MGAT4C: variants seen among roughly 807,000 people sequenced by gnomAD.
The protein encoded by MGAT4C is MGAT4 family member C.
A neutral mutation model predicts 40.1 loss-of-function variants in MGAT4C; 19 were observed. That is an observed-to-expected ratio of 0.47 (90% confidence interval 0.33 to 0.70). The LOEUF is 0.70. Among genes scored for constraint, MGAT4C ranks in the 30% least tolerant of loss-of-function variants. The pLI is 0.02. For synonymous variants in MGAT4C, 181 were observed against 187.1 expected, an observed-to-expected ratio of 0.97 and a Z score of 0.27; for missense variants, 491 against 563.2, an observed-to-expected ratio of 0.87 and a Z score of 1.30.
chr12:86,400,373 C>T (rs964206077), intron 3 of MGAT4C, among the ~76,000 whole-genome samples: 6 of 152,120 alleles, frequency 3.9e-5, no homozygotes, highest in Non-Finnish European at 5.9e-5. Context: ...CCCAACTTCC[C>T]TTATTCACAG....
intron 1 of MGAT4C, among the ~76,000 whole-genome samples, chr12:86,051,654 T>G (rs1276999302): frequency 6.6e-6 from 1 of 151,648 alleles, no homozygotes; most frequent in Non-Finnish European, 1.5e-5. Flanking sequence ...AAAAAGAGTA[T>G]GAATGAAAAT....
At chr12:86,488,197 T>A (rs1958059081) in intron 2 of MGAT4C, among the ~76,000 whole-genome samples, 1 of 151,272 alleles carries the variant, frequency 6.6e-6, no homozygotes, top group Non-Finnish European at 1.5e-5. Context: ...ATTCTCAGTA[T>A]GTTGCCCAGG....
At chr12:86,771,914 G>A (rs1451654179) in intron 1 of MGAT4C, among the ~76,000 whole-genome samples, 1 of 152,066 alleles carries the variant, frequency 6.6e-6, no homozygotes, top group East Asian at 1.9e-4. Flanking sequence ...TAGCTGATAA[G>A]ATTTGTATTT....
At chr12:86,089,931 A>G (rs753417234) in intron 1 of MGAT4C, among the ~76,000 whole-genome samples, 1 of 151,674 alleles carries the variant, frequency 6.6e-6, no homozygotes, top group Non-Finnish European at 1.5e-5. Context: ...CACTATAAAC[A>G]TATTATTTAT....
At chr12:86,026,395 C>T (rs1439398564) in intron 2 of MGAT4C, among the ~76,000 whole-genome samples, 7 of 151,520 alleles carry the variant, frequency 4.6e-5, no homozygotes, top group East Asian at 3.9e-4. Context: ...ATAACACATA[C>T]GTTGAACCAT....
At chr12:86,628,014 T>A (rs1331551833) in intron 2 of MGAT4C, among the ~76,000 whole-genome samples, 1 of 150,848 alleles carries the variant, frequency 6.6e-6, no homozygotes, top group Non-Finnish European at 1.5e-5. Flanking sequence ...ATTAGATGTA[T>A]GGCAAACTAG....
At chr12:86,634,273 C>T (rs1963149785) in intron 2 of MGAT4C, among the ~76,000 whole-genome samples, 1 of 152,048 alleles carries the variant, frequency 6.6e-6, no homozygotes, top group Non-Finnish European at 1.5e-5. Flanking sequence ...GATTCAGATA[C>T]TAGTTCAAAG....
chr12:86,830,542 T>C (rs2136235526), intron 1 of MGAT4C, among the ~76,000 whole-genome samples: 3 of 151,954 alleles, frequency 2.0e-5, no homozygotes, highest in Admixed American at 2.0e-4. Flanking sequence ...TGAGTGTGTA[T>C]AGTATTGTTT....
intron 2 of MGAT4C, among the ~76,000 whole-genome samples, chr12:86,044,286 A>G (rs1892172895): frequency 6.6e-6 from 1 of 152,142 alleles, no homozygotes; most frequent in Non-Finnish European, 1.5e-5. Flanking sequence ...GTCCATAACA[A>G]TCCCATGGAT....
intron 1 of MGAT4C, among the ~76,000 whole-genome samples, chr12:86,211,511 C>T (rs182679108): frequency 3.3e-4 from 49 of 150,334 alleles, no homozygotes; most frequent in African/African-American, 1.1e-3. Context: ...GGCTGGAAAC[C>T]GAGAGGCGGA....
At chr12:86,689,908 G>T (rs1268772556) in intron 2 of MGAT4C, among the ~76,000 whole-genome samples, 1 of 152,134 alleles carries the variant, frequency 6.6e-6, no homozygotes, top group African/African-American at 2.4e-5. Context: ...CTGAAGCTTA[G>T]CCCACAACAA....
chr12:86,384,082 A>G (rs1275343567), intron 3 of MGAT4C, among the ~76,000 whole-genome samples: 1 of 152,148 alleles, frequency 6.6e-6, no homozygotes, highest in Admixed American at 6.5e-5. Context: ...CTCTTCTCTT[A>G]TCTGCTGCCA....
intron 2 of MGAT4C, among the ~76,000 whole-genome samples, chr12:86,499,193 G>C (rs902495201): frequency 6.6e-6 from 1 of 151,660 alleles, no homozygotes; most frequent in Non-Finnish European, 1.5e-5. Context: ...GTTGTGTTAC[G>C]GTGGGGTTAA....
chr12:86,505,881 A>C (rs1331863584), intron 2 of MGAT4C, among the ~76,000 whole-genome samples: 1 of 152,178 alleles, frequency 6.6e-6, no homozygotes, highest in Non-Finnish European at 1.5e-5. Context: ...CAAATGGCCC[A>C]AAATAGGGCC....
intron 3 of MGAT4C, among the ~76,000 whole-genome samples, chr12:86,364,815 G>A (rs1955557645): frequency 6.6e-6 from 1 of 152,092 alleles, no homozygotes; most frequent in African/African-American, 2.4e-5. Flanking sequence ...AATAGGGTGT[G>A]GGTCACAGAG....
intron 2 of MGAT4C, among the ~76,000 whole-genome samples, chr12:86,722,934 T>C (rs1950760384): frequency 6.6e-6 from 1 of 152,158 alleles, no homozygotes; most frequent in South Asian, 2.1e-4. Context: ...ATGGAAAATA[T>C]AGGTCCACCA....
intron 1 of MGAT4C, among the ~76,000 whole-genome samples, chr12:86,836,962 G>C (rs1269321538): frequency 1.3e-5 from 2 of 152,020 alleles, no homozygotes; most frequent in Non-Finnish European, 2.9e-5. Flanking sequence ...TTTAAAAATA[G>C]AAAAGAGAGA....
chr12:86,654,882 G>C (rs1414153654), intron 2 of MGAT4C, among the ~76,000 whole-genome samples: 1 of 151,794 alleles, frequency 6.6e-6, no homozygotes, highest in Non-Finnish European at 1.5e-5. Context: ...TCAATTACTA[G>C]AACTTTTTGT....
intron 1 of MGAT4C, among the ~76,000 whole-genome samples, chr12:86,742,947 C>G (rs1951091607): frequency 6.6e-6 from 1 of 151,258 alleles, no homozygotes; most frequent in African/African-American, 2.4e-5. Context: ...ATATGTAACA[C>G]TTTCATTATT....
Sources: allele counts gnomAD v4.1 joint callset (sites outside exome capture counted in the v4.1 genomes callset), GRCh38; gene constraint gnomAD v4.1.1; transcripts MANE v1.5; gene names NCBI Gene and HGNC (gene_info 2026-07-23, HGNC 2026-07-21).